The following COL4A1 variants were observed in gnomAD, a reference collection of about 807,000 sequenced individuals.
COL4A1 encodes the protein collagen alpha-1(IV) chain.
Under a neutral mutation model 216.6 loss-of-function variants are expected in COL4A1, and 40 were observed. The observed-to-expected ratio is 0.18, with a 90% CI of 0.14 to 0.24. The LOEUF (loss-of-function observed/expected upper bound fraction) is 0.24, where lower values mean the gene tolerates loss of function less well. Among genes scored for constraint, COL4A1 ranks in the 10% least tolerant of loss-of-function variants. The probability of loss-of-function intolerance (pLI) is 1.00; values close to 1 mark genes in which losing one functional copy is unlikely to be tolerated. For synonymous variants in COL4A1, 839 were observed against 810.7 expected (o/e 1.03, Z -0.59); for missense variants, 1,628 against 2,196.8 (o/e 0.74, Z 5.18).
At position 110,152,498 on chromosome 13, in the gene COL4A1, G is replaced by T; in HGVS notation, c.4764C>A (p.Ser1588Arg). ...CTTGGCCAGAGCCTTCTGCACCAGC[G>T]CTGGTGTGCTGCAGAACAGATGCGA... ...WIGYSFVMHT[S>R]AGAEGSGQAL... Residue 1588 changes from serine to arginine, a missense_variant, in exon 51 of 52, where the codon AGC becomes AGA. Around this residue, in one of 8 missense-constraint regions of COL4A1, gnomAD observed 254 missense variants for 300.1 expected, o/e 0.85. Transcript: ENST00000375820. 1 of 1,611,480 alleles carries T rather than the reference G, an allele frequency of 6.2e-7. No individual in the cohort carries two copies.
chr13:110,182,210 T>C (rs1443999907), intron 28 of COL4A1, among the ~76,000 whole-genome samples: 1 of 152,040 alleles, frequency 6.6e-6, no homozygotes, highest in Non-Finnish European at 1.5e-5. Context: ...AGCCGTGGTG[T>C]GGGTGGGCGT....
rs370673476 is a variant in COL4A1, at chr13:110,210,052, A to G, written c.553-10T>C. On this transcript the variant is annotated splice_polypyrimidine_tract_variant and intron_variant, in intron 9 of 51. Transcript: ENST00000375820. ...GCAGTCCTGGTGGGCCCTAGAATGC[A>G]TGAGAAAGAAATGAGTTCAGATGCG... 5.0e-6 allele frequency: 8 copies of G among 1,613,982 alleles called. No individual in the cohort carries two copies. Among genetic ancestry groups the G allele is most frequent in the Admixed American group, 1.7e-5 (1 of 60,000 alleles).
chr13:110,208,780 A>G (rs1879634032), intron 12 of COL4A1, 69 bp downstream of exon 12: 2 of 1,421,302 alleles, frequency 1.4e-6, no homozygotes, highest in Non-Finnish European at 2.0e-6. Context: ...CATTGATCCA[A>G]AGGTGGGAAC....
intron 2 of COL4A1, among the ~76,000 whole-genome samples, chr13:110,221,485 T>A (rs1465258482): frequency 6.6e-6 from 1 of 152,094 alleles, no homozygotes; most frequent in Non-Finnish European, 1.5e-5. Context: ...CCATCTGACG[T>A]CCCCGATCCA....
At chr13:110,287,172 A>T (rs1241571143) in intron 1 of COL4A1, among the ~76,000 whole-genome samples, 1 of 152,224 alleles carries the variant, frequency 6.6e-6, no homozygotes, top group Non-Finnish European at 1.5e-5. Flanking sequence ...ACATGCAGAG[A>T]CGCACTTTTC....
At chr13:110,219,701 T>TATATATATGTGTATATATATGC in intron 2 of COL4A1, among the ~76,000 whole-genome samples, 2 of 136,606 alleles carry the variant, frequency 1.5e-5, no homozygotes, top group East Asian at 4.8e-4. Context: ...TATATATATG[T>TATATATATGTGTATATATATGC]ATATACATAT....
chr13:110,235,573 C>T (rs1190288249), intron 2 of COL4A1, among the ~76,000 whole-genome samples: 1 of 150,594 alleles, frequency 6.6e-6, no homozygotes, highest in East Asian at 2.0e-4. Context: ...ATGGCGTGAA[C>T]CAGTGAACCC....
intron 2 of COL4A1, 136 bp from the exon 3 acceptor site, chr13:110,214,151 G>T: frequency 1.4e-6 from 1 of 729,284 alleles, no homozygotes; most frequent in South Asian, 1.6e-5. Flanking sequence ...TGGAGTGCAT[G>T]CACGATCTCG....
At chr13:110,172,130 C>T (rs1235426874) in intron 41 of COL4A1, among the ~76,000 whole-genome samples, 1 of 152,250 alleles carries the variant, frequency 6.6e-6, no homozygotes, top group Non-Finnish European at 1.5e-5. Flanking sequence ...CATAAGCATG[C>T]CCATGGATGC....
chr13:110,209,702 C>G lies in COL4A1; in HGVS notation c.616-275G>C, dbSNP rs557549842. ...TTGAACTCACTCCCACAGGCTGTGA[C>G]TATCAGCAGTACCCCGCCAGCCCCT... On this transcript the variant is annotated intron_variant, in intron 10 of 51. Transcript: ENST00000375820. 259 of 680,688 alleles carry G rather than the reference C, an allele frequency of 3.8e-4. No individual in the cohort carries two copies. In the African/African-American group the frequency reaches 3.9e-3, roughly 10 times the overall value. The allele number at this position is 680,688 out of a possible 1,614,324, so 42.2% of individuals were successfully genotyped here. A position where few individuals can be genotyped will look rare whatever the true frequency, so the allele number is the denominator to read the frequency against.
At chr13:110,155,681 C>T (rs980679114) in intron 49 of COL4A1, among the ~76,000 whole-genome samples, 7 of 152,100 alleles carry the variant, frequency 4.6e-5, no homozygotes, top group Non-Finnish European at 7.4e-5. Context: ...GAGGCCGAGG[C>T]GGGTGGATCA....
At chr13:110,303,469 T>C (rs368864524) in intron 1 of COL4A1, among the ~76,000 whole-genome samples, 3 of 152,332 alleles carry the variant, frequency 2.0e-5, no homozygotes, top group East Asian at 1.9e-4. Flanking sequence ...AATGACATTT[T>C]GGTATCTCAA....
At chr13:110,283,203 TATA>T (rs1327027152) in intron 1 of COL4A1, among the ~76,000 whole-genome samples, 2 of 152,218 alleles carry the variant, frequency 1.3e-5, no homozygotes, top group African/African-American at 2.4e-5. Flanking sequence ...CATCAAATAA[TATA>T]ATATGTTCAG....
In COL4A1 at chr13:110,242,746, A is replaced by C. The variant is rs573686887; in HGVS notation, c.85-12T>G. ...CCAGCACAGCCACCCTGGAAGGAAA[A>C]GAAAACTTCTTTAAATAGAAGAACA... On this transcript the variant is annotated splice_polypyrimidine_tract_variant and intron_variant, in intron 1 of 51. Transcript: ENST00000375820. 6.2e-7 allele frequency: 1 copy of C among 1,614,092 alleles called. No individual in the cohort carries two copies. Among genetic ancestry groups the C allele is most frequent in the East Asian group, 2.2e-5 (1 of 44,888 alleles).
At chr13:110,158,623 C>T (rs1190768798) in intron 49 of COL4A1, among the ~76,000 whole-genome samples, 8 of 151,618 alleles carry the variant, frequency 5.3e-5, no homozygotes. Flanking sequence ...AACTTTGTAT[C>T]TTTTTTTATC....
rs1213765268 is a variant in COL4A1 at position 110,211,498 on chromosome 13, A to G, written c.468+149T>C. Reference sequence around the variant, plus strand: ...AGATCTGAGTTTGTGGGTTACTTGTACAGTCTTTTCATGTAACAGAGTTTA... The same window carrying G: ...AGATCTGAGTTTGTGGGTTACTTGTGCAGTCTTTTCATGTAACAGAGTTTA... On this transcript the variant is annotated intron_variant, in intron 8 of 51. Transcript: ENST00000375820. The surrounding 1 kb of genome is among the most constrained non-coding windows in gnomAD (Gnocchi z 4.3). The G allele has an allele frequency of 6.1e-6, 4 of 653,498 alleles. No individual in the cohort carries two copies. The highest frequency in any genetic ancestry group is 1.0e-5 in the Non-Finnish European group (4 of 401,790). The allele number at this position is 653,498 out of a possible 1,614,324, so 40.5% of individuals were successfully genotyped here.
intron 19 of COL4A1, among the ~76,000 whole-genome samples, chr13:110,201,235 G>A (rs552451731): frequency 1.2e-3 from 166 of 141,804 alleles, no homozygotes; most frequent in East Asian, 6.2e-3. Context: ...TGGGGAGAGA[G>A]AGAGAAGGAG....
At position 110,196,020 on chromosome 13, in the gene COL4A1, T is replaced by C. The variant is rs181803897; in HGVS notation, c.1286-902A>G. ...GGGCCCTCCCTCGGGCTTGAATATA[T>C]TAACCAAGGTCAACTCTCCAGCTCG... is the stretch of plus-strand genomic sequence containing the variant. On this transcript the variant is annotated intron_variant, in intron 21 of 51. Transcript: ENST00000375820. Among the ~76,000 whole-genome samples, 220 of 152,298 alleles carry C rather than the reference T, an allele frequency of 1.4e-3. 1 individual carries two copies. The highest frequency in any genetic ancestry group is 5.6e-4 in the Non-Finnish European group (38 of 68,032).
chr13:110,212,136 T>G (rs984129395), intron 6 of COL4A1, among the ~76,000 whole-genome samples: 3 of 152,220 alleles, frequency 2.0e-5, no homozygotes, highest in Non-Finnish European at 4.4e-5. Flanking sequence ...CATAATGGCA[T>G]TTTCTTACGT....
Sources: allele counts gnomAD v4.1 joint callset (sites outside exome capture counted in the v4.1 genomes callset), GRCh38; gene constraint gnomAD v4.1.1; regional missense constraint gnomAD v4.1.1; non-coding constraint Gnocchi (gnomAD v3.1); transcripts MANE v1.5; gene names NCBI Gene and HGNC (gene_info 2026-07-23, HGNC 2026-07-21).